MCU: variants seen among roughly 807,000 people sequenced by gnomAD.
MCU encodes the protein calcium uniporter protein, mitochondrial.
MCU carries 12 observed loss-of-function variants against 45.2 expected under a neutral mutation model. The ratio of observed to expected loss-of-function variants is 0.27; its 90% confidence interval spans 0.17 to 0.43. The LOEUF (loss-of-function observed/expected upper bound fraction) is 0.43, where lower values mean the gene tolerates loss of function less well. Among genes scored for constraint, MCU ranks in the 20% least tolerant of loss-of-function variants. The pLI, the probability that MCU is intolerant of heterozygous loss-of-function variation, is 1.00. For synonymous variants in MCU, 160 were observed against 165.1 expected (o/e 0.97, Z 0.24); for missense variants, 324 against 436.7 (o/e 0.74, Z 2.30).
rs1240464320 is a variant in MCU, at chr10:72,807,716, G to A, written c.151-26643G>A. 2.6e-5 allele frequency among the ~76,000 whole-genome samples: 4 copies of A among 152,078 alleles called. No individual in the cohort carries two copies. The East Asian group carries it at 5.8e-4, about 22-fold the overall frequency. The stretch of plus-strand genomic sequence containing the variant: ...ACCTGATGCTGGATTTTTTACTTCA[G>A]TGTTGACTGGCTGTTCTAAGGGATG... On this transcript the variant is annotated intron_variant, in intron 1 of 7. Transcript: ENST00000373053.
intron 1 of MCU, among the ~76,000 whole-genome samples, chr10:72,772,525 T>C (rs1257293734): frequency 6.6e-6 from 1 of 152,206 alleles, no homozygotes; most frequent in Non-Finnish European, 1.5e-5. Context: ...GGCAAAACCC[T>C]GTCTTTACTA....
chr10:72,815,810 A>T (rs1173765690), intron 1 of MCU, among the ~76,000 whole-genome samples: 47 of 152,248 alleles, frequency 3.1e-4, no homozygotes, highest in Non-Finnish European at 1.5e-5. Flanking sequence ...TAAGAATTAA[A>T]TTCATTTCAT....
chr10:72,745,420 C>T (rs1004886883), intron 1 of MCU, among the ~76,000 whole-genome samples: 1 of 152,036 alleles, frequency 6.6e-6, no homozygotes, highest in African/African-American at 2.4e-5. Context: ...GTAGAAACAG[C>T]GTTTCACCAT....
rs114187868 is a variant in MCU, at chr10:72,819,992, T to C, written c.151-14367T>C. 1.2e-3 allele frequency among the ~76,000 whole-genome samples: 179 copies of C among 152,294 alleles called. 1 individual carries two copies. Among genetic ancestry groups the C allele is most frequent in the African/African-American group, 4.1e-3 (170 of 41,556 alleles). On this transcript the variant is annotated intron_variant, in intron 1 of 7. Transcript: ENST00000373053. ...ATACATTTTACCCATTGAAGAAAAG[T>C]CTGAGGGGAAAGTGTGTACTTTTTA...
At chr10:72,766,690 G>A (rs558893999) in intron 1 of MCU, 22 of 152,230 alleles carry the variant, frequency 1.4e-4, no homozygotes, top group South Asian at 6.2e-4. Context: ...TGTAAAATTG[G>A]TACTTCATAG....
At chr10:72,768,253 T>C (rs1843756449) in intron 1 of MCU, among the ~76,000 whole-genome samples, 1 of 152,246 alleles carries the variant, frequency 6.6e-6, no homozygotes, top group South Asian at 2.1e-4. Flanking sequence ...CTACTGACTA[T>C]GAAGTCATTT....
At chr10:72,846,320 G>A (rs530115654) in intron 2 of MCU, among the ~76,000 whole-genome samples, 66 of 152,338 alleles carry the variant, frequency 4.3e-4, no homozygotes, top group African/African-American at 1.6e-3. Flanking sequence ...TGGGATCACA[G>A]GTGTGAGCCA....
At position 72,886,073 on chromosome 10, in the gene MCU, T is replaced by C. The variant is rs1430185917; in HGVS notation, c.*251T>C. On this transcript the variant is annotated 3_prime_UTR_variant, in exon 8 of 8. Transcript: ENST00000373053. ...TATCTCAGTTTCTGGATGAAAATGA[T>C]GCAGTTATATAGTTGAGAGATTCAT... 4.9e-6 allele frequency: 2 copies of C among 410,644 alleles called. No individual in the cohort carries two copies. Among genetic ancestry groups the C allele is most frequent in the East Asian group, 4.4e-5 (1 of 22,636 alleles). 25.4% of individuals were successfully genotyped at this position (410,644 alleles called of 1,614,324 possible). A position where few individuals can be genotyped will look rare whatever the true frequency, so the allele number is the denominator to read the frequency against.
At chr10:72,880,013 A>C (rs1348868745) in intron 6 of MCU, among the ~76,000 whole-genome samples, 1 of 152,194 alleles carries the variant, frequency 6.6e-6, no homozygotes, top group African/African-American at 2.4e-5. Flanking sequence ...ACGCCACTGC[A>C]CTCCAGCCTG....
At chr10:72,796,693 G>GTTTTT (rs34029455) in intron 1 of MCU, among the ~76,000 whole-genome samples, 1 of 133,962 alleles carries the variant, frequency 7.5e-6, no homozygotes, top group African/African-American at 2.8e-5. Flanking sequence ...TTTAGTTTTT[G>GTTTTT]TTTTTTTTTT....
At chr10:72,746,603 G>A (rs1388226808) in intron 1 of MCU, among the ~76,000 whole-genome samples, 2 of 152,182 alleles carry the variant, frequency 1.3e-5, no homozygotes, top group Non-Finnish European at 2.9e-5. Flanking sequence ...TTCAGTGTTT[G>A]AAATGTCTGA....
chr10:72,734,320 T>G (rs1171332380), intron 1 of MCU, among the ~76,000 whole-genome samples: 1 of 152,226 alleles, frequency 6.6e-6, no homozygotes, highest in Non-Finnish European at 1.5e-5. Flanking sequence ...ACATGTGACT[T>G]GAGGTGTGTG....
At chr10:72,879,179 C>T (rs1285846299) in intron 6 of MCU, among the ~76,000 whole-genome samples, 1 of 152,178 alleles carries the variant, frequency 6.6e-6, no homozygotes, top group Admixed American at 6.5e-5. Context: ...ATGAGGATCG[C>T]TTGAACCTGA....
At chr10:72,766,323 G>A (rs948094042) in intron 1 of MCU, among the ~76,000 whole-genome samples, 9 of 152,070 alleles carry the variant, frequency 5.9e-5, no homozygotes, top group South Asian at 2.1e-4. Flanking sequence ...TAAACCCAAC[G>A]TGTCTTAATT....
chr10:72,775,105 A>G (rs1195109616), intron 1 of MCU, among the ~76,000 whole-genome samples: 1 of 152,178 alleles, frequency 6.6e-6, no homozygotes, highest in Non-Finnish European at 1.5e-5. Flanking sequence ...TCTTTTCATT[A>G]GCACATCAAA....
chr10:72,843,465 A>G (rs771161193), intron 2 of MCU, among the ~76,000 whole-genome samples: 36 of 152,192 alleles, frequency 2.4e-4, no homozygotes, highest in South Asian at 6.2e-4. Flanking sequence ...AGTTTTCTCT[A>G]TGTCTTTTTA....
intron 1 of MCU, among the ~76,000 whole-genome samples, chr10:72,745,249 A>T (rs1843397475): frequency 6.6e-6 from 1 of 151,210 alleles, no homozygotes. Flanking sequence ...TTTTTTTGAG[A>T]TGGAGTTTCA....
chr10:72,830,444 G>T (rs1482261843), intron 1 of MCU, among the ~76,000 whole-genome samples: 2 of 152,188 alleles, frequency 1.3e-5, no homozygotes, highest in Admixed American at 1.3e-4. Flanking sequence ...TGATGGTTGG[G>T]ATTTCCTTTT....
At chr10:72,767,307 T>C (rs1027251922) in intron 1 of MCU, among the ~76,000 whole-genome samples, 1 of 152,158 alleles carries the variant, frequency 6.6e-6, no homozygotes, top group Non-Finnish European at 1.5e-5. Context: ...TTAGCTGCAA[T>C]TCATAGTTAA....
Sources: gnomAD v4.1 joint callset for allele counts (sites outside exome capture counted in the v4.1 genomes callset) on GRCh38, gnomAD v4.1.1 for gene constraint, MANE v1.5 for transcripts, NCBI Gene and HGNC (gene_info 2026-07-23, HGNC 2026-07-21) for gene names.